WASL: variants seen among roughly 807,000 people sequenced by gnomAD.
The protein encoded by WASL is actin nucleation-promoting factor WASL.
WASL carries 20 observed loss-of-function variants against 55.5 expected under a neutral mutation model. The observed-to-expected ratio is 0.36, with a 90% CI of 0.25 to 0.52. The LOEUF (loss-of-function observed/expected upper bound fraction) is 0.52, where lower values mean the gene tolerates loss of function less well. WASL is among the 20% of genes least tolerant of loss of function. WASL has a pLI of 0.92. For missense variants in WASL, 504 were observed against 622.5 expected (o/e 0.81, Z 2.03); for synonymous variants, 249 against 217.6 (o/e 1.14, Z -1.27).
chr7:123,730,619 C>A (rs1804121576), intron 1 of WASL, among the ~76,000 whole-genome samples: 1 of 151,838 alleles, frequency 6.6e-6, no homozygotes, highest in Non-Finnish European at 1.5e-5. Context: ...CAATTAAAAC[C>A]AAAGAATGGG....
chr7:123,694,720 C>T lies in WASL; in HGVS notation c.821G>A (p.Arg274Lys). The T allele has an allele frequency of 6.2e-7, 1 of 1,612,260 alleles. No individual in the cohort carries two copies. The highest frequency in any genetic ancestry group is 8.5e-7 in the Non-Finnish European group (1 of 1,179,338). ...TGAATAGAGATAAAAGTTACCTTGC[C>T]TCCGCAGTTCATTTTTAACAGCTTC... ...GVEAVKNELR[R>K]QAPPPPPPSR... The change falls in exon 8 of 11, where the codon AGG (arginine) becomes AAG (lysine). Residue 274 changes from arginine (R) to lysine (K), a missense_variant. Physicochemically the swap from Arg to Lys is conservative, Grantham distance 26. Transcript: ENST00000223023.
At chr7:123,685,521 C>A (rs1803272362) in intron 10 of WASL, among the ~76,000 whole-genome samples, 1 of 151,914 alleles carries the variant, frequency 6.6e-6, no homozygotes, top group South Asian at 2.1e-4. Context: ...CTTTCCTGAC[C>A]ATCATATGTA....
rs997584939 is a variant in WASL, at chr7:123,748,807, G to C, written c.-73C>G. 7 of 1,275,154 alleles carry C rather than the reference G, an allele frequency of 5.5e-6. No individual in the cohort carries two copies. In the Middle Eastern group the frequency reaches 6.7e-4, roughly 121 times the overall value. The allele number at this position is 1,275,154 out of a possible 1,614,324, so 79.0% of individuals were successfully genotyped here. A position where few individuals can be genotyped will look rare whatever the true frequency, so the allele number is the denominator to read the frequency against. ...TGGGCGAGAGCTCGTTCCCCCTCTC[G>C]GTGACAGGGGCGGGGAGAAGTGGAG... On this transcript the variant is annotated 5_prime_UTR_variant, in exon 1 of 11. Coordinates refer to ENST00000223023, the MANE Select transcript of WASL (RefSeq NM_003941.4).
intron 1 of WASL, among the ~76,000 whole-genome samples, chr7:123,722,006 G>A (rs1356656880): frequency 6.6e-6 from 1 of 152,086 alleles, no homozygotes; most frequent in Non-Finnish European, 1.5e-5. Flanking sequence ...TGGCTTTGGG[G>A]GTGGGGGCAG....
rs528333481 is a variant in WASL at position 123,707,700 on chromosome 7, T to C, written c.253-874A>G. Among the ~76,000 whole-genome samples the C allele has an allele frequency of 3.3e-5, 5 of 152,288 alleles. No individual in the cohort carries two copies. In the South Asian group the frequency reaches 1.0e-3, roughly 32 times the overall value. On this transcript the variant is annotated intron_variant, in intron 2 of 10. Transcript: ENST00000223023. ...TAGTGGAGTAGTAAGTGTATGCCAT[T>C]TCTAAATAGTGCTTCTCAATGGTTA... is the stretch of plus-strand genomic sequence containing the variant.
At position 123,709,139 on chromosome 7, in the gene WASL, C is replaced by G; in HGVS notation, c.202G>C (p.Val68Leu). 21 of 1,612,836 alleles carry G rather than the reference C, an allele frequency of 1.3e-5. No individual in the cohort carries two copies. Among genetic ancestry groups the G allele is most frequent in the Non-Finnish European group, 1.8e-5 (21 of 1,179,230 alleles). Residue 68 changes from valine to leucine, a missense_variant, in exon 2 of 11, where the codon GTT (valine) becomes CTT (leucine). Around this residue, in one of 5 missense-constraint regions of WASL, gnomAD observed 230 missense variants for 271.9 expected, o/e 0.85. Coordinates refer to ENST00000223023, the MANE Select transcript of WASL (RefSeq NM_003941.4). ...SKKCSGVACL[V>L]KDNPQRSYFL... ...TAAGATCTCTGTGGATTGTCCTTAA[C>G]AAGACAAGCAACACCACTGCACTTC...
chr7:123,689,985 T>TA (rs1204393379), intron 9 of WASL, among the ~76,000 whole-genome samples: 3 of 152,158 alleles, frequency 2.0e-5, no homozygotes, highest in Non-Finnish European at 2.9e-5. Flanking sequence ...ACACCTTTTT[T>TA]AAAAAAATTC....
chr7:123,687,680 T>C (rs1305040253), intron 10 of WASL, among the ~76,000 whole-genome samples: 1 of 152,206 alleles, frequency 6.6e-6, no homozygotes, highest in Non-Finnish European at 1.5e-5. Flanking sequence ...ACATACTGTA[T>C]GTTTTTCTAG....
At chr7:123,733,295 C>T (rs1469400321) in intron 1 of WASL, among the ~76,000 whole-genome samples, 1 of 152,088 alleles carries the variant, frequency 6.6e-6, no homozygotes, top group Non-Finnish European at 1.5e-5. Context: ...AACCAATAAG[C>T]CTTTATATCA....
chr7:123,737,873 T>C (rs541076500), intron 1 of WASL, among the ~76,000 whole-genome samples: 8 of 152,166 alleles, frequency 5.3e-5, no homozygotes, highest in Admixed American at 3.9e-4. Context: ...GTTAAACCTG[T>C]ACAATGACCA....
At chr7:123,742,646 G>A (rs1233565191) in intron 1 of WASL, among the ~76,000 whole-genome samples, 2 of 151,944 alleles carry the variant, frequency 1.3e-5, no homozygotes, top group Admixed American at 6.6e-5. Context: ...AACCAAAAAA[G>A]CAGTTTCTAA....
At chr7:123,719,007 T>C (rs1803892240) in intron 1 of WASL, among the ~76,000 whole-genome samples, 1 of 152,208 alleles carries the variant, frequency 6.6e-6, no homozygotes, top group South Asian at 2.1e-4. Flanking sequence ...CATACTTACT[T>C]CTGTGTAGTG....
rs372669592 is a variant in WASL, at chr7:123,692,978, T to C, written c.827-111A>G. The C allele has an allele frequency of 3.9e-5, 50 of 1,274,264 alleles. No homozygotes were observed. The East Asian group carries it at 4.5e-4, about 11-fold the overall frequency. 78.9% of individuals were successfully genotyped at this position (1,274,264 alleles called of 1,614,324 possible). On this transcript the variant is annotated intron_variant, in intron 8 of 10. Coordinates refer to ENST00000223023, the MANE Select transcript of WASL (RefSeq NM_003941.4). ...AAAATTGAATAATACCAAAAAAGGGTCTCATCTTTGCATTTTATTTTACAA... is the reference window on the plus strand; with the variant it reads ...AAAATTGAATAATACCAAAAAAGGGCCTCATCTTTGCATTTTATTTTACAA...
intron 2 of WASL, 72 bp downstream of exon 2, chr7:123,709,017 A>G: frequency 7.2e-7 from 1 of 1,397,926 alleles, no homozygotes; most frequent in African/African-American, 1.5e-5. Context: ...GGATAAACAA[A>G]TCTAAACTAA....
At chr7:123,744,086 G>T (rs1208848360) in intron 1 of WASL, among the ~76,000 whole-genome samples, 5 of 152,050 alleles carry the variant, frequency 3.3e-5, no homozygotes, top group African/African-American at 1.2e-4. Context: ...CCTTACTCAG[G>T]CCATCATCAA....
At position 123,709,081 on chromosome 7, in the gene WASL, A is replaced by G; in HGVS notation, c.252+8T>C. 6.3e-7 allele frequency: 1 copy of G among 1,596,520 alleles called. No individual in the cohort carries two copies. The highest frequency in any genetic ancestry group is 1.3e-5 in the African/African-American group (1 of 74,340). On this transcript the variant is annotated splice_region_variant and intron_variant, in intron 2 of 10. Transcript: ENST00000223023. ...CCTAGTTTAAAGTGAAAGCAAAACA[A>G]AACTCACCTTAATGTCAAATATTCT...
chr7:123,698,058 G>GT (rs1006562691), intron 5 of WASL, among the ~76,000 whole-genome samples: 2,479 of 144,476 alleles, frequency 0.017, 40 homozygotes, highest in African/African-American at 0.05. Flanking sequence ...CTTGTGTGTG[G>GT]TTTTTTTTTT....
At chr7:123,691,156 C>G (rs62472075) in intron 9 of WASL, among the ~76,000 whole-genome samples, 8,185 of 152,264 alleles carry the variant, frequency 0.054, 294 homozygotes, top group Non-Finnish European at 0.084. Context: ...GACAAAGTTT[C>G]TGAGATCTAG....
At chr7:123,729,770 T>C (rs1247740586) in intron 1 of WASL, among the ~76,000 whole-genome samples, 1 of 152,214 alleles carries the variant, frequency 6.6e-6, no homozygotes, top group Non-Finnish European at 1.5e-5. Flanking sequence ...TGAGCATTAC[T>C]TTGAGCTCCC....
Sources: gnomAD v4.1 joint callset for allele counts (sites outside exome capture counted in the v4.1 genomes callset) on GRCh38, gnomAD v4.1.1 for gene constraint, gnomAD v4.1.1 regional missense constraint, MANE v1.5 for transcripts, NCBI Gene and HGNC (gene_info 2026-07-23, HGNC 2026-07-21) for gene names.